Variants in AGBL1 observed in about 807,000 individuals in gnomAD.
AGBL1 encodes the protein AGBL carboxypeptidase 1, also known as cytosolic carboxypeptidase 4.
A neutral mutation model predicts 118.9 loss-of-function variants in AGBL1; 130 were observed. The observed-to-expected ratio is 1.09, with a 90% CI of 0.95 to 1.26. The LOEUF is 1.26. Ranked by LOEUF, AGBL1 falls within the 50% of genes most tolerant of loss-of-function variation. The pLI, the probability that AGBL1 is intolerant of heterozygous loss-of-function variation, is 0.00. For synonymous variants in AGBL1, 555 were observed against 478.9 expected (o/e 1.16, Z -2.08); for missense variants, 1,584 against 1,298.1 (o/e 1.22, Z -3.38).
At chr15:86,767,079 T>C (rs2078106890) in intron 22 of AGBL1, among the ~76,000 whole-genome samples, 1 of 152,058 alleles carries the variant, frequency 6.6e-6, no homozygotes, top group African/African-American at 2.4e-5. Flanking sequence ...TTGTGTTTAA[T>C]GCTTAATTCT....
At chr15:86,327,886 G>A (rs1490053981) in intron 17 of AGBL1, among the ~76,000 whole-genome samples, 4 of 152,226 alleles carry the variant, frequency 2.6e-5, no homozygotes, top group East Asian at 1.9e-4. Flanking sequence ...GGGGTGTGTC[G>A]GGGTACGTCC....
At chr15:86,973,901 ATT>A in intron 23 of AGBL1, among the ~76,000 whole-genome samples, 1 of 144,766 alleles carries the variant, frequency 6.9e-6, no homozygotes, top group Non-Finnish European at 1.5e-5. Flanking sequence ...ACATATATAT[ATT>A]AAATATAAAC....
intron 6 of AGBL1, among the ~76,000 whole-genome samples, chr15:86,239,436 A>G (rs953491251): frequency 1.3e-5 from 2 of 152,150 alleles, no homozygotes; most frequent in Admixed American, 1.3e-4. Context: ...ACATATCCTT[A>G]TGCTTTTGGC....
chr15:86,297,806 A>G (rs910372226), intron 17 of AGBL1, among the ~76,000 whole-genome samples: 2 of 152,218 alleles, frequency 1.3e-5, no homozygotes, highest in Admixed American at 1.3e-4. Context: ...GATTTTCAAC[A>G]TTGTTATTCT....
chr15:86,681,924 A>G (rs377397883), intron 22 of AGBL1, among the ~76,000 whole-genome samples: 141 of 152,314 alleles, frequency 9.3e-4, no homozygotes, highest in African/African-American at 3.1e-3. Context: ...ATTGGAGACA[A>G]TGGTTTCCAT....
intron 12 of AGBL1, 130 bp from the exon 13 acceptor site, chr15:86,266,860 C>CA: frequency 1.3e-6 from 1 of 795,850 alleles, no homozygotes; most frequent in Non-Finnish European, 2.0e-6. Flanking sequence ...GACATCCCGC[C>CA]CTGCACTCCA....
Position 86,191,931 on chromosome 15 carries a change from A to G in AGBL1, c.488+32905A>G, listed in dbSNP as rs2077729104. ...AAAAAAAAAAAACAAAAAAAACCAA[A>G]AAACACAAAAAACACAAAAATTAGC... is the stretch of plus-strand genomic sequence containing the variant. On this transcript the variant is annotated intron_variant, in intron 5 of 22. Transcript: ENST00000614907. Among the ~76,000 whole-genome samples, 9 of 151,318 alleles carry G rather than the reference A, an allele frequency of 5.9e-5. No individual in the cohort carries two copies. In the South Asian group the frequency reaches 1.9e-3, roughly 31 times the overall value.
intron 1 of AGBL1, among the ~76,000 whole-genome samples, chr15:86,110,734 A>AT (rs1334146479): frequency 6.6e-6 from 1 of 152,200 alleles, no homozygotes; most frequent in Non-Finnish European, 1.5e-5. Context: ...AGAAGTTCAA[A>AT]TTAGGGGATG....
intron 22 of AGBL1, among the ~76,000 whole-genome samples, chr15:86,719,247 G>A (rs887167068): frequency 2.6e-5 from 4 of 152,130 alleles, no homozygotes; most frequent in Non-Finnish European, 5.9e-5. Flanking sequence ...CAAGAACTGG[G>A]GTTGGGAAAG....
chr15:86,749,135 T>C (rs902745026), intron 22 of AGBL1, among the ~76,000 whole-genome samples: 3 of 152,128 alleles, frequency 2.0e-5, no homozygotes, highest in African/African-American at 7.2e-5. Flanking sequence ...ATTCTTCCTA[T>C]CAATGAGCAT....
chr15:86,590,288 C>T (rs185733851), intron 21 of AGBL1, among the ~76,000 whole-genome samples: 2 of 152,290 alleles, frequency 1.3e-5, no homozygotes, highest in Admixed American at 1.3e-4. Flanking sequence ...CTCCATGTGT[C>T]ATGGAAGACA....
chr15:86,949,517 A>G (rs2080857380), intron 23 of AGBL1, among the ~76,000 whole-genome samples: 1 of 152,126 alleles, frequency 6.6e-6, no homozygotes, highest in Admixed American at 6.5e-5. Flanking sequence ...TCAGGCTGTC[A>G]AATAATCAAA....
At chr15:86,839,438 T>G (rs1236755741) in intron 22 of AGBL1, among the ~76,000 whole-genome samples, 1 of 152,230 alleles carries the variant, frequency 6.6e-6, no homozygotes, top group Non-Finnish European at 1.5e-5. Flanking sequence ...ATCCATTGCA[T>G]GTTAAATTTA....
intron 21 of AGBL1, among the ~76,000 whole-genome samples, chr15:86,663,014 C>T (rs1293929405): frequency 1.3e-5 from 2 of 152,184 alleles, no homozygotes; most frequent in Non-Finnish European, 2.9e-5. Context: ...TGCTGTGGGG[C>T]TTGGAGGTCT....
chr15:86,234,498 C>A (rs182449937), intron 6 of AGBL1, among the ~76,000 whole-genome samples: 1 of 141,952 alleles, frequency 7.0e-6, no homozygotes, highest in African/African-American at 2.6e-5. Flanking sequence ...TTGCAGTGAG[C>A]GAAGATCACA....
At chr15:86,260,984 A>C (rs1189797797) in intron 9 of AGBL1, among the ~76,000 whole-genome samples, 1 of 152,262 alleles carries the variant, frequency 6.6e-6, no homozygotes, top group African/African-American at 2.4e-5. Flanking sequence ...TTGAAGGCAG[A>C]AATGGTCTCT....
chr15:86,229,002 C>T (rs73447661), intron 6 of AGBL1, among the ~76,000 whole-genome samples: 2 of 152,206 alleles, frequency 1.3e-5, no homozygotes, highest in Non-Finnish European at 2.9e-5. Flanking sequence ...TCCACTCTCA[C>T]ATGCACAAAT....
intron 21 of AGBL1, among the ~76,000 whole-genome samples, chr15:86,561,087 G>T (rs905931383): frequency 2.0e-5 from 3 of 152,074 alleles, no homozygotes; most frequent in African/African-American, 7.2e-5. Context: ...TCTGTAGGTT[G>T]CCTGTTCACT....
chr15:86,099,540 ATTTTTTT>A lies in AGBL1; in HGVS notation c.51+19528_51+19534del, dbSNP rs539242604. Among the ~76,000 whole-genome samples, 7 of 130,636 alleles carry A rather than the reference ATTTTTTT, an allele frequency of 5.4e-5. No homozygotes were observed. In the East Asian group the frequency reaches 6.6e-4, roughly 12 times the overall value. 85.7% of individuals were successfully genotyped at this position (130,636 alleles called of 152,430 possible). The stretch of plus-strand genomic sequence containing the variant: ...TTCCTGTTTTCCAATGTGGATGCCT[ATTTTTTT>A]TTTTTTTTTTGAAACAGAGTCTCAC... On this transcript the variant is annotated intron_variant, in intron 1 of 22. Coordinates refer to ENST00000614907, the MANE Select transcript of AGBL1 (RefSeq NM_001386094.1).
Sources: allele counts gnomAD v4.1 joint callset (sites outside exome capture counted in the v4.1 genomes callset), GRCh38; gene constraint gnomAD v4.1.1; transcripts MANE v1.5; gene names NCBI Gene and HGNC (gene_info 2026-07-23, HGNC 2026-07-21).